Variants in GRIK3 observed in about 807,000 individuals in gnomAD.
The protein encoded by GRIK3 is glutamate receptor ionotropic, kainate 3.
In GRIK3, 29 loss-of-function variants were observed where a neutral mutation model predicts 102.5. The observed-to-expected ratio is 0.28, with a 90% CI of 0.21 to 0.39. The LOEUF is 0.39. Ranked by LOEUF, GRIK3 falls within the 10% of genes least tolerant of loss-of-function variation. The pLI is 1.00. For synonymous variants in GRIK3, 511 were observed against 504.9 expected (o/e 1.01, Z -0.16); for missense variants, 908 against 1,252.4 (o/e 0.73, Z 4.15).
chr1:36,907,952 C>T (rs956362027), intron 1 of GRIK3, among the ~76,000 whole-genome samples: 2 of 152,074 alleles, frequency 1.3e-5, no homozygotes, highest in Non-Finnish European at 2.9e-5. Context: ...CTCACCTGGG[C>T]CCCTGGAAGC....
chr1:36,909,309 T>C (rs1236896436), intron 1 of GRIK3, among the ~76,000 whole-genome samples: 2 of 149,496 alleles, frequency 1.3e-5, no homozygotes, highest in Non-Finnish European at 2.9e-5. Context: ...TTTTTTTTTT[T>C]CCTTCCTGAG....
intron 1 of GRIK3, among the ~76,000 whole-genome samples, chr1:36,966,650 C>T (rs977386440): frequency 4.6e-5 from 7 of 152,036 alleles, no homozygotes; most frequent in Middle Eastern, 3.4e-3. Context: ...CTCACGAAGC[C>T]GGGTGTCTCT....
intron 1 of GRIK3, among the ~76,000 whole-genome samples, chr1:36,975,308 T>TTTTTTTTTTTTTTTTGGGGGTGTTTG: frequency 6.7e-6 from 1 of 149,342 alleles, no homozygotes; most frequent in South Asian, 2.1e-4. Flanking sequence ...TTTTTTTTTT[T>TTTTTTTTTTTTTTTTGGGGGTGTTTG]GAGAGGGAGT....
rs113492223 is a variant in GRIK3, at chr1:36,890,094, C to T, written c.292+826G>A. Among the ~76,000 whole-genome samples, 752 of 152,218 alleles carry T rather than the reference C, an allele frequency of 4.9e-3. 6 individuals carry two copies. The highest frequency in any genetic ancestry group is 9.9e-3 in the Admixed American group (151 of 15,296). On this transcript the variant is annotated intron_variant, in intron 2 of 15. Transcript: ENST00000373091. ...GGGTCACGGGTGAAGGATCACTCTTCGGATGATCCAGGCTAAACCAGGGTG... is the reference window on the plus strand; with the variant it reads ...GGGTCACGGGTGAAGGATCACTCTTTGGATGATCCAGGCTAAACCAGGGTG...
At chr1:36,874,433 C>T (rs946058660) in intron 3 of GRIK3, among the ~76,000 whole-genome samples, 9 of 152,144 alleles carry the variant, frequency 5.9e-5, no homozygotes, top group African/African-American at 1.2e-4. Context: ...AGTTGGGAGA[C>T]GGCTATGTAG....
chr1:36,840,958 C>G (rs991762647), intron 10 of GRIK3, among the ~76,000 whole-genome samples: 2 of 152,164 alleles, frequency 1.3e-5, no homozygotes, highest in Non-Finnish European at 2.9e-5. Context: ...GAAGGGGTGT[C>G]AACATGCCCA....
At chr1:36,866,822 C>T (rs922895533) in intron 5 of GRIK3, among the ~76,000 whole-genome samples, 6 of 152,216 alleles carry the variant, frequency 3.9e-5, no homozygotes, top group African/African-American at 1.4e-4. Context: ...TTACTTTCCA[C>T]ATTGCATTGC....
At chr1:36,857,456 C>T (rs565096639) in intron 7 of GRIK3, among the ~76,000 whole-genome samples, 1 of 152,294 alleles carries the variant, frequency 6.6e-6, no homozygotes, top group East Asian at 1.9e-4. Context: ...CCTCCTATGC[C>T]AAAACATCTG....
intron 9 of GRIK3, among the ~76,000 whole-genome samples, chr1:36,848,815 G>T (rs1640547817): frequency 1.4e-5 from 2 of 147,068 alleles, no homozygotes; most frequent in South Asian, 2.2e-4. Context: ...TGTTCCTCTT[G>T]AGATATTTTT....
At chr1:36,955,664 C>T (rs1423237319) in intron 1 of GRIK3, among the ~76,000 whole-genome samples, 2 of 152,270 alleles carry the variant, frequency 1.3e-5, no homozygotes, top group Non-Finnish European at 2.9e-5. Context: ...ACCTCAAGCA[C>T]TCACACATGT....
At chr1:36,830,874 G>A (rs1227955251) in intron 10 of GRIK3, among the ~76,000 whole-genome samples, 3 of 150,738 alleles carry the variant, frequency 2.0e-5, no homozygotes, top group African/African-American at 7.3e-5. Flanking sequence ...AGAAGGCCAT[G>A]TGATGCTGGA....
chr1:36,878,931 T>G (rs11584732), intron 3 of GRIK3, among the ~76,000 whole-genome samples: 2,921 of 152,294 alleles, frequency 0.019, 41 homozygotes, highest in Non-Finnish European at 0.025. Context: ...GAAGCATGTA[T>G]GAATTCCATC....
chr1:36,821,431 C>T (rs930166386), intron 11 of GRIK3, among the ~76,000 whole-genome samples: 9 of 152,196 alleles, frequency 5.9e-5, no homozygotes, highest in Non-Finnish European at 1.2e-4. Flanking sequence ...AGAGGGGCTT[C>T]CCAGGGGGCG....
intron 1 of GRIK3, among the ~76,000 whole-genome samples, chr1:36,966,651 G>A (rs762860181): frequency 4.0e-5 from 6 of 151,742 alleles, no homozygotes; most frequent in Admixed American, 6.6e-5. Flanking sequence ...TCACGAAGCC[G>A]GGTGTCTCTG....
chr1:36,864,002 TTTG>T (rs1340309209), intron 5 of GRIK3, among the ~76,000 whole-genome samples: 1 of 152,150 alleles, frequency 6.6e-6, no homozygotes, highest in Non-Finnish European at 1.5e-5. Context: ...CATTGTGGTT[TTTG>T]TTATTATTTT....
intron 1 of GRIK3, among the ~76,000 whole-genome samples, chr1:36,924,332 G>C (rs1325371105): frequency 6.6e-6 from 1 of 152,214 alleles, no homozygotes. Context: ...GGGTGCAACT[G>C]GACGAAAGCA....
At chr1:36,910,482 G>T (rs1641332540) in intron 1 of GRIK3, among the ~76,000 whole-genome samples, 2 of 152,236 alleles carry the variant, frequency 1.3e-5, no homozygotes, top group African/African-American at 2.4e-5. Context: ...GCTCTCTGCT[G>T]CGCCTTAGCC....
intron 10 of GRIK3, among the ~76,000 whole-genome samples, chr1:36,837,756 G>A (rs1640397557): frequency 6.6e-6 from 1 of 152,126 alleles, no homozygotes; most frequent in South Asian, 2.1e-4. Flanking sequence ...CCACTCTTGG[G>A]GTTCTGCCTC....
intron 1 of GRIK3, among the ~76,000 whole-genome samples, chr1:36,947,924 C>G (rs1433033842): frequency 6.6e-6 from 1 of 152,082 alleles, no homozygotes; most frequent in Admixed American, 6.5e-5. Context: ...CGTGGGTCAC[C>G]CTCACTCTCT....
Sources: allele counts gnomAD v4.1 joint callset (sites outside exome capture counted in the v4.1 genomes callset), GRCh38; gene constraint gnomAD v4.1.1; transcripts MANE v1.5; gene names NCBI Gene and HGNC (gene_info 2026-07-23, HGNC 2026-07-21).